Variants in PNPLA7 observed in about 807,000 individuals in gnomAD.
PNPLA7 encodes patatin like domain 7, lysophospholipase, also known as patatin-like phospholipase domain-containing protein 7.
A neutral mutation model predicts 161.7 loss-of-function variants in PNPLA7; 153 were observed. The observed-to-expected ratio is 0.95, with a 90% CI of 0.83 to 1.08. PNPLA7 has a LOEUF of 1.08. PNPLA7 is among the 50% of genes least tolerant of loss of function. The pLI is 0.00. For missense variants in PNPLA7, 1,739 were observed against 1,856.6 expected, an observed-to-expected ratio of 0.94 and a Z score of 1.16; for synonymous variants, 809 against 782.1, an observed-to-expected ratio of 1.03 and a Z score of -0.57.
rs1291718500 is a variant in PNPLA7, at chr9:137,543,265, C to G, written c.506+167G>C. On this transcript the variant is annotated intron_variant, in intron 6 of 34. Coordinates refer to ENST00000406427, the MANE Select transcript of PNPLA7 (RefSeq NM_001098537.3). This position sits in a 1 kb window ranked among gnomAD's most constrained non-coding sequence, Gnocchi z 6.9. ...GAACAAGAAAGATCTGGTGAAGGAG[C>G]CAGCAGACCACGAGGCCCCGCCACG... 1.3e-5 allele frequency among the ~76,000 whole-genome samples: 2 copies of G among 152,196 alleles called. No individual in the cohort carries two copies. Among genetic ancestry groups the G allele is most frequent in the Non-Finnish European group, 2.9e-5 (2 of 68,046 alleles).
chr9:137,509,592 TG>T, intron 12 of PNPLA7: 1 of 347,958 alleles, frequency 2.9e-6, no homozygotes, highest in Non-Finnish European at 6.1e-6. Flanking sequence ...TGAGTTTAGC[TG>T]GTACAAATGA....
At chr9:137,465,463 G>T (rs1355702069) in intron 26 of PNPLA7, among the ~76,000 whole-genome samples, 1 of 152,240 alleles carries the variant, frequency 6.6e-6, no homozygotes, top group Admixed American at 6.5e-5. Flanking sequence ...GGGCCACCAG[G>T]TGACTCTGGG....
chr9:137,519,969 G>A lies in PNPLA7; in HGVS notation c.1032C>T (p.Gly344=), dbSNP rs758786549. ...GTGGCTTTTTAAGCCGCTCTTCTTC[G>A]CCATAGAACACCTGCTTCTTGGCCT... ...AGKAKKQVFY[G]EEERLKKPPR... Residue 344 remains glycine, a synonymous_variant, in exon 11 of 35, where the codon GGC becomes GGT. Transcript: ENST00000406427. The A allele has an allele frequency of 1.4e-5, 23 of 1,612,646 alleles. No individual in the cohort carries two copies. Among genetic ancestry groups the A allele is most frequent in the East Asian group, 4.5e-5 (2 of 44,894 alleles).
intron 8 of PNPLA7, among the ~76,000 whole-genome samples, chr9:137,536,518 A>G (rs918949017): frequency 2.0e-5 from 3 of 152,162 alleles, no homozygotes. Context: ...CAAGAGGCCA[A>G]AAATAAGCCG....
intron 14 of PNPLA7, among the ~76,000 whole-genome samples, chr9:137,503,459 G>A (rs1352033259): frequency 3.1e-5 from 4 of 128,746 alleles, no homozygotes; most frequent in African/African-American, 8.9e-5. Flanking sequence ...AGAAGGAGGA[G>A]GGGGAAGGAG....
At position 137,484,715 on chromosome 9, in the gene PNPLA7, G is replaced by A. The variant is rs1192704454; in HGVS notation, c.2219C>T (p.Thr740Met). Residue 740 changes from threonine to methionine, a missense_variant, in exon 21 of 35, where the codon ACG (threonine) becomes ATG (methionine). Coordinates refer to ENST00000406427, the MANE Select transcript of PNPLA7 (RefSeq NM_001098537.3). ...CCCCAAGTCCCACTTGCTGCCCTCC[G>A]TGGGGAGCCCAAGCTGGTGGCCTGT... Reference protein sequence around the residue: ...PVTGHQLGLPTEGSKWDLGNP... With the variant: ...PVTGHQLGLPMEGSKWDLGNP... The A allele has an allele frequency of 3.1e-6, 5 of 1,610,650 alleles. No individual in the cohort carries two copies. Among genetic ancestry groups the A allele is most frequent in the African/African-American group, 1.3e-5 (1 of 74,894 alleles).
At chr9:137,511,255 T>C (rs1245740714) in intron 12 of PNPLA7, among the ~76,000 whole-genome samples, 4 of 95,532 alleles carry the variant, frequency 4.2e-5, no homozygotes, top group African/African-American at 8.4e-5. Context: ...ACCCGTTACT[T>C]AGTGGACCTT....
chr9:137,502,765 G>T (rs1036922541), intron 14 of PNPLA7, among the ~76,000 whole-genome samples: 2 of 141,356 alleles, frequency 1.4e-5, no homozygotes, highest in East Asian at 4.4e-4. Context: ...CGGCCACGGT[G>T]ACATGGACGA....
chr9:137,511,189 G>A (rs1266287345), intron 12 of PNPLA7, among the ~76,000 whole-genome samples: 3 of 152,132 alleles, frequency 2.0e-5, no homozygotes, highest in South Asian at 2.1e-4. Context: ...CGCCTGGGAA[G>A]GCACCCGTTA....
At chr9:137,484,401 A>G (rs895070146) in intron 21 of PNPLA7, among the ~76,000 whole-genome samples, 186 bp downstream of exon 21, 4 of 152,232 alleles carry the variant, frequency 2.6e-5, no homozygotes, top group African/African-American at 7.2e-5. Context: ...AGGAAATTCA[A>G]TTCCTTGCCC....
At chr9:137,517,170 C>T (rs991598836) in intron 11 of PNPLA7, among the ~76,000 whole-genome samples, 27 of 144,794 alleles carry the variant, frequency 1.9e-4, no homozygotes, top group Non-Finnish European at 3.2e-4. Context: ...TCACTCCATC[C>T]CCCACTCACT....
At chr9:137,475,524 G>A (rs1308532050) in intron 25 of PNPLA7, among the ~76,000 whole-genome samples, 2 of 152,000 alleles carry the variant, frequency 1.3e-5, no homozygotes, top group Admixed American at 6.6e-5. Flanking sequence ...ACAGGCGCCC[G>A]CCACCAAGCC....
chr9:137,517,900 GTCCA>G (rs1834702615), intron 11 of PNPLA7, among the ~76,000 whole-genome samples: 1 of 47,846 alleles, frequency 2.1e-5, no homozygotes, highest in Non-Finnish European at 3.6e-5. Flanking sequence ...ACTCCACTCT[GTCCA>G]CTCCATCCCC....
rs181370285 is a variant in PNPLA7 at position 137,463,511 on chromosome 9, G to A, written c.3247C>T (p.Arg1083Cys). The A allele has an allele frequency of 3.2e-6, 5 of 1,584,972 alleles. No individual in the cohort carries two copies. In the South Asian group the frequency reaches 3.4e-5, roughly 11 times the overall value. Residue 1083 changes from arginine to cysteine, a missense_variant, in exon 29 of 35, where the codon CGT becomes TGT. Physicochemically the swap from Arg to Cys is radical, Grantham distance 180. Around this residue, in one of 6 missense-constraint regions of PNPLA7, gnomAD observed 703 missense variants for 694.6 expected, o/e 1.01. Coordinates refer to ENST00000406427, the MANE Select transcript of PNPLA7 (RefSeq NM_001098537.3). Reference sequence around the variant, plus strand: ...TAACCGGACAGGGACATGCTGGCACGCACGTACCACCACAGGGAGCCTGGG... The same window carrying A: ...TAACCGGACAGGGACATGCTGGCACACACGTACCACCACAGGGAGCCTGGG... ...HTDGSLWWYV[R>C]ASMSLSGYMP...
In PNPLA7 at chr9:137,478,147, C is replaced by T; in HGVS notation, c.2769G>A (p.Glu923=). ...GCCGCTGGAAGACATGCTTGTACAT[C>T]TCCACCTGGGGGAGGAGCCGTCAGG... ...FSRRSLPKLV[E]MYKHVFQRPP... Residue 923 remains glutamate, a synonymous_variant, in exon 25 of 35, where the codon GAG becomes GAA. Coordinates refer to ENST00000406427, the MANE Select transcript of PNPLA7 (RefSeq NM_001098537.3). 1 of 1,303,788 alleles carries T rather than the reference C, an allele frequency of 7.7e-7. No individual in the cohort carries two copies. Among genetic ancestry groups the T allele is most frequent in the South Asian group, 2.4e-5 (1 of 41,846 alleles). The allele number at this position is 1,303,788 out of a possible 1,614,324, so 80.8% of individuals were successfully genotyped here.
intron 4 of PNPLA7, among the ~76,000 whole-genome samples, chr9:137,544,953 T>C (rs926709835): frequency 1.2e-4 from 19 of 152,136 alleles, no homozygotes; most frequent in African/African-American, 4.6e-4. Context: ...CGGCCGAGTT[T>C]TTCAATTTTC....
chr9:137,501,105 A>G (rs1833383923), intron 15 of PNPLA7, among the ~76,000 whole-genome samples: 1 of 152,170 alleles, frequency 6.6e-6, no homozygotes, highest in Non-Finnish European at 1.5e-5. Flanking sequence ...CTGGGTTCTC[A>G]AGGGCTCCGT....
At chr9:137,482,351 G>A (rs1564295218) in intron 21 of PNPLA7, among the ~76,000 whole-genome samples, 1 of 152,236 alleles carries the variant, frequency 6.6e-6, no homozygotes, top group East Asian at 1.9e-4. Flanking sequence ...TCCAGTAGAT[G>A]AACAGATCAA....
At chr9:137,498,014 C>T in intron 17 of PNPLA7, 100 bp downstream of exon 17, 1 of 1,523,574 alleles carries the variant, frequency 6.6e-7, no homozygotes, top group Non-Finnish European at 8.9e-7. Flanking sequence ...TCCACAGTAA[C>T]TTCCGTGTGT....
Sources: allele counts gnomAD v4.1 joint callset (sites outside exome capture counted in the v4.1 genomes callset), GRCh38; gene constraint gnomAD v4.1.1; regional missense constraint gnomAD v4.1.1; non-coding constraint Gnocchi (gnomAD v3.1); transcripts MANE v1.5; gene names NCBI Gene and HGNC (gene_info 2026-07-23, HGNC 2026-07-21).